TAAR8: variants seen among roughly 807,000 people sequenced by gnomAD.
TAAR8 encodes the protein trace amine associated receptor 8.
For synonymous variants in TAAR8, 157 were observed against 152.7 expected, an observed-to-expected ratio of 1.03 and a Z score of -0.21; for missense variants, 459 against 405.8, an observed-to-expected ratio of 1.13 and a Z score of -1.13.
At position 132,553,599 on chromosome 6, in the gene TAAR8, TC is replaced by T; in HGVS notation, c.908del (p.Ser303Ter). 6.2e-7 allele frequency: 1 copy of T among 1,614,106 alleles called. No individual in the cohort carries two copies. ...TTGCTGTTGGAGTGCTTATTATAAC[TC>T]AGCCATGAATCCTTTGATTTATGCT... On this transcript the variant is annotated frameshift_variant, in exon 1 of 1. Transcript: ENST00000275200. LOFTEE classifies it low-confidence loss of function (END_TRUNC).
Position 132,553,583 on chromosome 6 carries a change from G to A in TAAR8, c.891G>A (p.Trp297Ter). 1.2e-6 allele frequency: 2 copies of A among 1,613,998 alleles called. No individual in the cohort carries two copies. The highest frequency in any genetic ancestry group is 8.5e-7 in the Non-Finnish European group (1 of 1,179,986). The change falls in exon 1 of 1, where the codon TGG becomes TGA. Residue 297 changes from tryptophan to a stop codon, truncating the protein, a stop_gained. Transcript: ENST00000275200. LOFTEE classifies it low-confidence loss of function (END_TRUNC). Reference sequence around the variant, plus strand: ...CCTATATCTATGAAATTTGCTGTTGGAGTGCTTATTATAACTCAGCCATGA... The same window carrying A: ...CCTATATCTATGAAATTTGCTGTTGAAGTGCTTATTATAACTCAGCCATGA...
At chr6:132,552,945 A>G (rs370810430) in exon 1 of TAAR8, 22 of 1,614,082 alleles carry the variant, frequency 1.4e-5, no homozygotes, top group Non-Finnish European at 1.8e-5. Context: ...TGTGACTGTG[A>G]TGCTTTTCAG....
At chr6:132,552,697 C>G (rs111974194) in exon 1 of TAAR8, 2 of 1,604,058 alleles carry the variant, frequency 1.2e-6, no homozygotes, top group African/African-American at 2.7e-5. Flanking sequence ...AGAACCATGA[C>G]CAGCAATTTT....
chr6:132,553,073 C>T (rs757403255), exon 1 of TAAR8: 15 of 1,614,066 alleles, frequency 9.3e-6, no homozygotes, highest in Admixed American at 3.3e-5. Flanking sequence ...TCATCTGCAT[C>T]GACAGGTACA....
exon 1 of TAAR8, chr6:132,553,709 A>T (rs1220036458): frequency 1.3e-6 from 2 of 1,541,326 alleles, no homozygotes; most frequent in Non-Finnish European, 1.7e-6. Context: ...CCATTAGTTT[A>T]TTTTTAGAAT....
downstream of TAAR8, chr6:132,553,747 A>G: frequency 7.3e-7 from 1 of 1,362,088 alleles, no homozygotes; most frequent in Non-Finnish European, 9.6e-7. Context: ...TGAGAAAATT[A>G]AGAATATTTT....
Position 132,552,876 on chromosome 6 carries a change from C to CTGCA in TAAR8, c.185_188dup (p.Ser64AlafsTer15). The stretch of plus-strand genomic sequence containing the variant: ...GACTTCTGTTCTTCATTTTAAGCAG[C>CTGCA]TGCACTCTCCAACCAATTTTCTCAT... On this transcript the variant is annotated frameshift_variant, in exon 1 of 1. Transcript: ENST00000275200. LOFTEE classifies it low-confidence loss of function (END_TRUNC). 1 of 1,614,200 alleles carries CTGCA rather than the reference C, an allele frequency of 6.2e-7. No homozygotes were observed. The highest frequency in any genetic ancestry group is 8.5e-7 in the Non-Finnish European group (1 of 1,180,024).
Position 132,553,172 on chromosome 6 carries a change from C to CA in TAAR8, c.481dup (p.Thr161AsnfsTer13). ...TCAGCGTGTCCTGGATTCTGCCTCT[C>CA]ACGTACAGCGGTGCTGTGTTCTACA... On this transcript the variant is annotated frameshift_variant, in exon 1 of 1. Transcript: ENST00000275200. LOFTEE classifies it low-confidence loss of function (END_TRUNC). The CA allele has an allele frequency of 6.2e-7, 1 of 1,614,082 alleles. No individual in the cohort carries two copies. Among genetic ancestry groups the CA allele is most frequent in the South Asian group, 1.1e-5 (1 of 91,072 alleles).
In TAAR8 at chr6:132,552,803, G is replaced by A. The variant is rs6912620; in HGVS notation, c.111G>A (p.Ala37=). Residue 37 remains alanine, a synonymous_variant, in exon 1 of 1, where the codon GCG becomes GCA. Coordinates refer to ENST00000275200, the Ensembl canonical transcript of TAAR8. ...GGTCCCGGGTAATTCTGTACACGGC[G>A]TTTAGCTTTGGGTCTTTGCTGGCTG... 896 of 1,614,130 alleles carry A rather than the reference G, an allele frequency of 5.6e-4. 9 individuals carry two copies. In the African/African-American group the frequency reaches 0.01, roughly 19 times the overall value.
At chr6:132,553,113 A>C in exon 1 of TAAR8, 1 of 1,614,176 alleles carries the variant, frequency 6.2e-7, no homozygotes, top group South Asian at 1.1e-5. Flanking sequence ...GGTCTATGCT[A>C]CCAAGTTCAC....
At chr6:132,553,050 C>T (rs1169191921) in exon 1 of TAAR8, 3 of 1,614,192 alleles carry the variant, frequency 1.9e-6, no homozygotes, top group East Asian at 2.2e-5. Context: ...CTCTTCTGTC[C>T]TCCACTTGTG....
chr6:132,553,624 C>G, exon 1 of TAAR8: 1 of 1,613,888 alleles, frequency 6.2e-7, no homozygotes, highest in South Asian at 1.1e-5. Flanking sequence ...TTGATTTATG[C>G]TCTATTTTAT....
chr6:132,552,904 C>G, exon 1 of TAAR8: 1 of 1,614,192 alleles, frequency 6.2e-7, no homozygotes, highest in East Asian at 2.2e-5. Context: ...TTTCTCATTG[C>G]CTCTCTGGCC....
chr6:132,552,939 A>G (rs1318960255), exon 1 of TAAR8: 1 of 1,614,010 alleles, frequency 6.2e-7, no homozygotes, highest in South Asian at 1.1e-5. Flanking sequence ...GGTAGGTGTG[A>G]CTGTGATGCT....
At chr6:132,553,098 C>T in exon 1 of TAAR8, 1 of 1,614,162 alleles carries the variant, frequency 6.2e-7, no homozygotes, top group African/African-American at 1.3e-5. Flanking sequence ...GGTTACTGAT[C>T]CCCTGGTCTA....
chr6:132,553,617 A>G, exon 1 of TAAR8: 4 of 1,614,014 alleles, frequency 2.5e-6, no homozygotes, highest in Non-Finnish European at 3.4e-6. Context: ...GAATCCTTTG[A>G]TTTATGCTCT....
exon 1 of TAAR8, chr6:132,552,784 G>A (rs752176570): frequency 1.6e-5 from 26 of 1,614,144 alleles, no homozygotes; most frequent in Middle Eastern, 3.3e-4. Flanking sequence ...CCTGGGTCCC[G>A]GGTAATTCTG....
Position 132,553,281 on chromosome 6 carries a change from TGG to T in TAAR8, c.591_592del (p.Trp197CysfsTer21). The T allele has an allele frequency of 6.2e-7, 1 of 1,614,210 alleles. No individual in the cohort carries two copies. The highest frequency in any genetic ancestry group is 8.5e-7 in the Non-Finnish European group (1 of 1,180,026). ...CTGTCAAATTATTGTAAGTCAAGGC[TGG>T]GTGTTGATAGATTTTCTGTTATTCT... On this transcript the variant is annotated frameshift_variant, in exon 1 of 1. Coordinates refer to ENST00000275200, the Ensembl canonical transcript of TAAR8. LOFTEE classifies it low-confidence loss of function (END_TRUNC).
chr6:132,553,257 T>G (rs1202571149), exon 1 of TAAR8: 3 of 1,614,246 alleles, frequency 1.9e-6, no homozygotes, highest in Non-Finnish European at 2.5e-6. Context: ...CGTAGGTGGC[T>G]GTCAAATTAT....
Sources: allele counts gnomAD v4.1 joint callset, GRCh38; gene constraint gnomAD v4.1.1; transcripts MANE v1.5; gene names NCBI Gene and HGNC (gene_info 2026-07-23, HGNC 2026-07-21).